HBS1L: variants seen among roughly 807,000 people sequenced by gnomAD.
The protein encoded by HBS1L is HBS1-like protein.
Under a neutral mutation model 88.9 loss-of-function variants are expected in HBS1L, and 55 were observed. The ratio of observed to expected loss-of-function variants is 0.62; its 90% CI spans 0.50 to 0.77. The LOEUF is 0.77. Ranked by LOEUF, HBS1L falls within the 30% of genes least tolerant of loss-of-function variation. The pLI is 0.00. For missense variants in HBS1L, 741 were observed against 829.3 expected (o/e 0.89, Z 1.31); for synonymous variants, 267 against 288.5 (o/e 0.93, Z 0.76).
intron 1 of HBS1L, 72 bp from the exon 2 acceptor site, chr6:135,050,719 A>T: frequency 3.4e-6 from 3 of 889,144 alleles, no homozygotes; most frequent in South Asian, 1.6e-5. Context: ...GTGAGGAAGC[A>T]TCTGAATCCT....
At chr6:135,043,868 T>C (rs761116038) in intron 2 of HBS1L, among the ~76,000 whole-genome samples, 12 of 152,346 alleles carry the variant, frequency 7.9e-5, no homozygotes, top group African/African-American at 1.2e-4. Flanking sequence ...AAGTGTAACA[T>C]TGAGGATGTT....
chr6:135,002,946 A>G, intron 4 of HBS1L, 104 bp from the exon 5 acceptor site: 1 of 694,204 alleles, frequency 1.4e-6, no homozygotes, highest in Non-Finnish European at 2.4e-6. Flanking sequence ...CTTTCACAGA[A>G]TTAATGTCTT....
chr6:134,985,063 G>A (rs1433596419), intron 12 of HBS1L, among the ~76,000 whole-genome samples: 5 of 151,688 alleles, frequency 3.3e-5, no homozygotes, highest in Non-Finnish European at 5.9e-5. Context: ...GAATCTAATG[G>A]GAGAAAAAAA....
At chr6:135,010,374 C>A (rs1225808894) in intron 4 of HBS1L, among the ~76,000 whole-genome samples, 1 of 152,102 alleles carries the variant, frequency 6.6e-6, no homozygotes, top group African/African-American at 2.4e-5. Flanking sequence ...ACTAAAAAAT[C>A]AGACCTTTAT....
Position 134,996,810 on chromosome 6 carries a change from C to G in HBS1L, c.932G>C (p.Trp311Ser). The change falls in exon 7 of 18, where the codon TGG becomes TCG. Residue 311 changes from tryptophan (W) to serine (S), a missense_variant. By Grantham distance (177) the Trp-to-Ser change is radical. Coordinates refer to ENST00000367837, the MANE Select transcript of HBS1L (RefSeq NM_006620.4). ...KAGKASFAYA[W>S]VLDETGEERE... The stretch of plus-strand genomic sequence containing the variant: ...TTCTTCGCCAGTTTCATCCAAGACC[C>G]ATGCATATGCAAACGAAGCTTTGCC... 2 of 1,609,558 alleles carry G rather than the reference C, an allele frequency of 1.2e-6. No homozygotes were observed. Among genetic ancestry groups the G allele is most frequent in the Non-Finnish European group, 1.7e-6 (2 of 1,178,388 alleles).
intron 4 of HBS1L, among the ~76,000 whole-genome samples, chr6:135,004,129 A>C (rs1298527759): frequency 1.3e-5 from 2 of 152,148 alleles, no homozygotes; most frequent in African/African-American, 4.8e-5. Context: ...TTAATGTATA[A>C]AATTCATTTA....
rs1177483643 is a variant in HBS1L, at chr6:134,961,675, TTC to T, written c.*3602_*3603del. The T allele has an allele frequency of 1.3e-5, 2 of 152,120 alleles. No homozygotes were observed. Among genetic ancestry groups the T allele is most frequent in the African/African-American group, 4.8e-5 (2 of 41,432 alleles). The allele number at this position is 152,120 out of a possible 1,614,324, so 9.4% of individuals were successfully genotyped here. A position where few individuals can be genotyped will look rare whatever the true frequency, so the allele number is the denominator to read the frequency against. The stretch of plus-strand genomic sequence containing the variant: ...ACTTTCTGACAGCACTCAATCCACT[TTC>T]TGACAGCACTCAATCCAGAAGAAAC... On this transcript the variant is annotated 3_prime_UTR_variant, in exon 18 of 18. Transcript: ENST00000367837.
At chr6:135,019,542 T>C (rs926635228) in intron 4 of HBS1L, among the ~76,000 whole-genome samples, 3 of 152,050 alleles carry the variant, frequency 2.0e-5, no homozygotes, top group East Asian at 1.9e-4. Context: ...TTAGTGACAA[T>C]AGAATACACA....
At chr6:135,035,773 AAAAAAAAAAAAAAAAAAG>A (rs1776524873) in intron 4 of HBS1L, 3 of 129,464 alleles carry the variant, frequency 2.3e-5, no homozygotes, top group East Asian at 2.5e-4. Flanking sequence ...AAAAAAAAAA[AAAAAAAAAAAAAAAAAAG>A]CAGCAGCAGC....
In HBS1L at chr6:134,962,997, T is replaced by C. The variant is rs1344255027; in HGVS notation, c.*2282A>G. 2.0e-5 allele frequency: 3 copies of C among 152,232 alleles called. No individual in the cohort carries two copies. Among genetic ancestry groups the C allele is most frequent in the African/African-American group, 4.8e-5 (2 of 41,460 alleles). The allele number at this position is 152,232 out of a possible 1,614,324, so 9.4% of individuals were successfully genotyped here. ...TAAAAAGATTGTACTTAAACACTATTGGAGAAGGAAGGAATGAATAAATGC... is the reference window on the plus strand; with the variant it reads ...TAAAAAGATTGTACTTAAACACTATCGGAGAAGGAAGGAATGAATAAATGC... On this transcript the variant is annotated 3_prime_UTR_variant, in exon 18 of 18. Transcript: ENST00000367837.
Position 135,039,604 on chromosome 6 carries a change from C to A in HBS1L, c.399G>T (p.Glu133Asp), listed in dbSNP as rs1328968350. ...CTATCTTTCCTGTAGATACTGTTGC[C>A]TCATTCTTGTCCTTCAAACTCTGCA... ...DRVQSLKDKN[E>D]ATVSTGKIAK... Residue 133 changes from glutamate to aspartate, a missense_variant, in exon 4 of 18, where the codon GAG (glutamate) becomes GAT (aspartate). Coordinates refer to ENST00000367837, the MANE Select transcript of HBS1L (RefSeq NM_006620.4). 6.2e-7 allele frequency: 1 copy of A among 1,614,070 alleles called. No homozygotes were observed. The highest frequency in any genetic ancestry group is 8.5e-7 in the Non-Finnish European group (1 of 1,179,998).
Position 134,986,177 on chromosome 6 carries a change from C to T in HBS1L, c.1312G>A (p.Asp438Asn). The change falls in exon 11 of 18, where the codon GAT becomes AAT. Residue 438 changes from aspartate to asparagine, a missense_variant. This residue lies in a region of HBS1L where 556 missense variants were observed against 598.4 expected (regional missense o/e 0.93). Transcript: ENST00000367837. ...FLKQAGFKES[D>N]VGFIPTSGLS... is the part of the protein sequence containing the mutation. ...CCACTTGTAGGAATAAAACCTACAT[C>T]ACTCTCCTATTAAAAAGATTGACTT... 1 of 1,458,704 alleles carries T rather than the reference C, an allele frequency of 6.9e-7. No individual in the cohort carries two copies. Among genetic ancestry groups the T allele is most frequent in the Non-Finnish European group, 9.6e-7 (1 of 1,044,566 alleles). 90.4% of individuals were successfully genotyped at this position (1,458,704 alleles called of 1,614,324 possible). A position where few individuals can be genotyped will look rare whatever the true frequency, so the allele number is the denominator to read the frequency against.
Position 134,961,972 on chromosome 6 carries a change from TTTATGA to T in HBS1L, c.*3301_*3306del, listed in dbSNP as rs1227538263. 6.6e-5 allele frequency: 10 copies of T among 152,184 alleles called. No homozygotes were observed. Among genetic ancestry groups the T allele is most frequent in the Non-Finnish European group, 1.2e-4 (8 of 68,038 alleles). The allele number at this position is 152,184 out of a possible 1,614,324, so 9.4% of individuals were successfully genotyped here. A position where few individuals can be genotyped will look rare whatever the true frequency, so the allele number is the denominator to read the frequency against. ...CAATCTTAAAGTTTTGAATTATCTC[TTTATGA>T]TACCCTGTCCCCTGGTTGGACTATC... On this transcript the variant is annotated 3_prime_UTR_variant, in exon 18 of 18. Coordinates refer to ENST00000367837, the MANE Select transcript of HBS1L (RefSeq NM_006620.4).
At chr6:135,037,391 C>T in intron 4 of HBS1L, 1 of 1,551,104 alleles carries the variant, frequency 6.4e-7, no homozygotes, top group Non-Finnish European at 8.7e-7. Flanking sequence ...TGATTCTTGG[C>T]ACTTTGTTCA....
At chr6:135,025,042 T>C (rs901153729) in intron 4 of HBS1L, among the ~76,000 whole-genome samples, 1 of 152,164 alleles carries the variant, frequency 6.6e-6, no homozygotes, top group Non-Finnish European at 1.5e-5. Flanking sequence ...ATCACTCTAG[T>C]TTCACAGTTG....
chr6:135,019,324 C>G (rs1208233826), intron 4 of HBS1L, among the ~76,000 whole-genome samples: 3 of 151,462 alleles, frequency 2.0e-5, no homozygotes, highest in Non-Finnish European at 3.0e-5. Context: ...ATAGTGCACA[C>G]TTGGAGACAA....
At chr6:134,978,217 T>A (rs1337645390) in intron 15 of HBS1L, among the ~76,000 whole-genome samples, 4 of 152,070 alleles carry the variant, frequency 2.6e-5, no homozygotes, top group African/African-American at 4.8e-5. Context: ...GTATATGGCA[T>A]TTTTATTTTC....
chr6:135,051,463 C>T (rs1777080953), intron 1 of HBS1L, among the ~76,000 whole-genome samples: 1 of 152,156 alleles, frequency 6.6e-6, no homozygotes, highest in Non-Finnish European at 1.5e-5. Context: ...TGGCTAACTG[C>T]CCTTTTTTTC....
chr6:135,000,925 T>C (rs1039556642), intron 5 of HBS1L, among the ~76,000 whole-genome samples: 1 of 152,202 alleles, frequency 6.6e-6, no homozygotes, highest in Non-Finnish European at 1.5e-5. Flanking sequence ...TAACCCAGAA[T>C]AGGCTAAGTG....
Sources: allele counts gnomAD v4.1 joint callset (sites outside exome capture counted in the v4.1 genomes callset), GRCh38; gene constraint gnomAD v4.1.1; regional missense constraint gnomAD v4.1.1; transcripts MANE v1.5; gene names NCBI Gene and HGNC (gene_info 2026-07-23, HGNC 2026-07-21).